Variants in SH3GL3 observed in about 807,000 individuals in gnomAD.
The protein encoded by SH3GL3 is endophilin-A3.
Under a neutral mutation model 47.7 loss-of-function variants are expected in SH3GL3, and 33 were observed. The ratio of observed to expected loss-of-function variants is 0.69; its 90% CI spans 0.52 to 0.92. The LOEUF (loss-of-function observed/expected upper bound fraction) is 0.92, where lower values mean the gene tolerates loss of function less well. Ranked by LOEUF, SH3GL3 falls within the 40% of genes least tolerant of loss-of-function variation. The pLI is 0.00. For missense variants in SH3GL3, 363 were observed against 417.8 expected (o/e 0.87, Z 1.14); for synonymous variants, 155 against 148.8 (o/e 1.04, Z -0.30).
rs1189035580 is a variant in SH3GL3, at chr15:83,453,636, G to C, written c.45+6058G>C. 2.0e-5 allele frequency among the ~76,000 whole-genome samples: 3 copies of C among 147,938 alleles called. No individual in the cohort carries two copies. The East Asian group carries it at 6.1e-4, about 30-fold the overall frequency. ...TTCTCTGATGGTAGTTTGTATTTCT[G>C]TGGGATCGGTGGTGATATCCCCTTT... On this transcript the variant is annotated intron_variant, in intron 1 of 8. Transcript: ENST00000427482.
chr15:83,602,785 T>C (rs1353322504), intron 8 of SH3GL3, among the ~76,000 whole-genome samples: 1 of 152,162 alleles, frequency 6.6e-6, no homozygotes, highest in Non-Finnish European at 1.5e-5. Context: ...TTCTGCTCTC[T>C]GGATTTTGGA....
At chr15:83,473,768 C>T (rs1280318184) in intron 1 of SH3GL3, among the ~76,000 whole-genome samples, 11 of 151,616 alleles carry the variant, frequency 7.3e-5, no homozygotes, top group African/African-American at 1.2e-4. Context: ...AGGATGGTCT[C>T]GATCTCCTGA....
In SH3GL3 at chr15:83,482,873, T is replaced by A. The variant is rs555292013; in HGVS notation, c.45+35295T>A. Among the ~76,000 whole-genome samples the A allele has an allele frequency of 6.6e-4, 100 of 152,274 alleles. 1 individual carries two copies. In the South Asian group the frequency reaches 0.018, roughly 27 times the overall value. On this transcript the variant is annotated intron_variant, in intron 1 of 8. Coordinates refer to ENST00000427482, the MANE Select transcript of SH3GL3 (RefSeq NM_003027.5). The stretch of plus-strand genomic sequence containing the variant: ...TGGTTTCCTTTGATACGCAAGCTAG[T>A]TTTTCTATGCTATACCATTTTTAAT...
chr15:83,633,270 C>T, the SH3GL3 span, among the ~76,000 whole-genome samples: 10 of 152,100 alleles, frequency 6.6e-5, no homozygotes, highest in South Asian at 2.1e-4. Context: ...GGATGCTAAG[C>T]GATTGTAACC....
At chr15:83,471,974 C>T (rs1006060567) in intron 1 of SH3GL3, among the ~76,000 whole-genome samples, 1 of 152,132 alleles carries the variant, frequency 6.6e-6, no homozygotes, top group African/African-American at 2.4e-5. Flanking sequence ...ACCTCTGCCT[C>T]TCAGGTTCAA....
At chr15:83,568,701 G>T (rs367751503) in intron 4 of SH3GL3, 29 bp downstream of exon 4, 39 of 1,585,820 alleles carry the variant, frequency 2.5e-5, no homozygotes, top group Non-Finnish European at 3.2e-5. Context: ...AGCTGGGGGA[G>T]CTGAGAACTC....
Position 83,576,700 on chromosome 15 carries a change from G to T in SH3GL3, c.583G>T (p.Glu195Ter). ...QAVEKFEESK[E>*]LAERSMFNFL... is the part of the protein sequence containing the mutation. ...GGTAGAAAAATTTGAAGAGTCAAAG[G>T]AGTTGGCTGAAAGAAGCATGTTTAA... is the stretch of plus-strand genomic sequence containing the variant. The change falls in exon 6 of 9, where the codon GAG (glutamate) becomes TAG (stop). Residue 195 changes from glutamate (E) to a stop codon, truncating the protein, a stop_gained. Coordinates refer to ENST00000427482, the MANE Select transcript of SH3GL3 (RefSeq NM_003027.5). LOFTEE classifies it high-confidence loss of function. 1.9e-6 allele frequency: 3 copies of T among 1,613,138 alleles called. No homozygotes were observed. The highest frequency in any genetic ancestry group is 2.5e-6 in the Non-Finnish European group (3 of 1,179,496).
At chr15:83,508,783 G>C (rs180837263) in intron 1 of SH3GL3, among the ~76,000 whole-genome samples, 1 of 151,906 alleles carries the variant, frequency 6.6e-6, no homozygotes, top group African/African-American at 2.4e-5. Flanking sequence ...TCACCATCTG[G>C]TTGGCCACCA....
chr15:83,580,553 A>G (rs2059803880), intron 6 of SH3GL3, among the ~76,000 whole-genome samples: 1 of 152,198 alleles, frequency 6.6e-6, no homozygotes, highest in African/African-American at 2.4e-5. Context: ...TGACCAATGG[A>G]GGAAGTGACA....
chr15:83,531,640 C>T (rs908613120), intron 1 of SH3GL3, among the ~76,000 whole-genome samples: 5 of 151,996 alleles, frequency 3.3e-5, no homozygotes, highest in African/African-American at 7.3e-5. Flanking sequence ...CATTATTCAA[C>T]GGGTGTTTTG....
intron 6 of SH3GL3, among the ~76,000 whole-genome samples, chr15:83,580,396 C>G (rs2059799560): frequency 6.6e-6 from 1 of 152,170 alleles, no homozygotes; most frequent in African/African-American, 2.4e-5. Flanking sequence ...ACAAGGTGCA[C>G]AAACTGTCAA....
intron 2 of SH3GL3, among the ~76,000 whole-genome samples, chr15:83,560,147 T>A (rs1388263969): frequency 6.6e-6 from 1 of 152,050 alleles, no homozygotes; most frequent in Non-Finnish European, 1.5e-5. Context: ...AGGGAGGAAA[T>A]GAAGCAAGGC....
intron 1 of SH3GL3, among the ~76,000 whole-genome samples, chr15:83,501,960 C>A (rs943705328): frequency 3.3e-5 from 5 of 152,268 alleles, no homozygotes; most frequent in Middle Eastern, 3.4e-3. Flanking sequence ...AGGAAGGGAA[C>A]CTAATAACCC....
chr15:83,575,949 C>T (rs1322553335), intron 5 of SH3GL3, among the ~76,000 whole-genome samples: 1 of 152,132 alleles, frequency 6.6e-6, no homozygotes, highest in African/African-American at 2.4e-5. Flanking sequence ...CTACGCAAGG[C>T]AGCCTGTTCC....
At chr15:83,600,292 A>G (rs879542544) in intron 8 of SH3GL3, among the ~76,000 whole-genome samples, 2 of 152,112 alleles carry the variant, frequency 1.3e-5, no homozygotes, top group Non-Finnish European at 2.9e-5. Context: ...AGTTTTTCCA[A>G]TGTTATCTTC....
the SH3GL3 span, among the ~76,000 whole-genome samples, chr15:83,624,789 G>A: frequency 5.3e-5 from 8 of 152,170 alleles, no homozygotes; most frequent in Non-Finnish European, 1.0e-4. Context: ...TTAAAAATTA[G>A]CCAGGCATGG....
At chr15:83,578,942 C>T (rs1030264300) in intron 6 of SH3GL3, among the ~76,000 whole-genome samples, 7 of 152,126 alleles carry the variant, frequency 4.6e-5, no homozygotes, top group Admixed American at 2.0e-4. Flanking sequence ...TCAGATGCGC[C>T]GTCTGACCCA....
chr15:83,447,588 C>T lies in SH3GL3; in HGVS notation c.45+10C>T, dbSNP rs932853662. ...CCACAAAGCCAGCCAGGTAGGGAGGCGCAGAGGAGGGAAGGAGGGAGGGGG... is the reference window on the plus strand; with the variant it reads ...CCACAAAGCCAGCCAGGTAGGGAGGTGCAGAGGAGGGAAGGAGGGAGGGGG... On this transcript the variant is annotated intron_variant, in intron 1 of 8. Transcript: ENST00000427482. This position sits in a 1 kb window ranked among gnomAD's most constrained non-coding sequence, Gnocchi z 5.1. 3.3e-6 allele frequency: 5 copies of T among 1,496,412 alleles called. No homozygotes were observed. The highest frequency in any genetic ancestry group is 2.2e-5 in the Admixed American group (1 of 45,098). The allele number at this position is 1,496,412 out of a possible 1,614,324, so 92.7% of individuals were successfully genotyped here.
chr15:83,463,785 T>C (rs1362550857), intron 1 of SH3GL3, among the ~76,000 whole-genome samples: 7 of 149,786 alleles, frequency 4.7e-5, no homozygotes, highest in Non-Finnish European at 8.9e-5. Context: ...TTTTTTTTTT[T>C]TGAGACAGAG....
Sources: allele counts gnomAD v4.1 joint callset (sites outside exome capture counted in the v4.1 genomes callset), GRCh38; gene constraint gnomAD v4.1.1; non-coding constraint Gnocchi (gnomAD v3.1); transcripts MANE v1.5; gene names NCBI Gene and HGNC (gene_info 2026-07-23, HGNC 2026-07-21).